The following CHN2 variants were observed in gnomAD, a reference collection of about 807,000 sequenced individuals.
CHN2 encodes the protein beta-chimaerin.
CHN2 carries 35 observed loss-of-function variants against 56.3 expected under a neutral mutation model. The observed-to-expected ratio is 0.62, with a 90% CI of 0.47 to 0.82. CHN2 has a LOEUF of 0.82. CHN2 is among the 40% of genes least tolerant of loss of function. The probability of loss-of-function intolerance (pLI) is 0.00; values close to 1 mark genes in which losing one functional copy is unlikely to be tolerated. For missense variants in CHN2, 491 were observed against 580.5 expected (o/e 0.85, Z 1.58); for synonymous variants, 210 against 212.8 (o/e 0.99, Z 0.12).
chr7:29,196,216 A>C (rs1783699688), intron 1 of CHN2, among the ~76,000 whole-genome samples: 1 of 152,228 alleles, frequency 6.6e-6, no homozygotes, highest in South Asian at 2.1e-4. Flanking sequence ...ACTAAGGTGC[A>C]ATTGTGATGT....
intron 6 of CHN2, among the ~76,000 whole-genome samples, chr7:29,434,693 C>T (rs1392598190): frequency 1.3e-5 from 2 of 152,164 alleles, no homozygotes; most frequent in Non-Finnish European, 2.9e-5. Context: ...CCAAATAAGG[C>T]CATAGTCGCA....
chr7:29,273,933 A>G (rs1790965257), intron 1 of CHN2, among the ~76,000 whole-genome samples: 1 of 152,192 alleles, frequency 6.6e-6, no homozygotes, highest in Admixed American at 6.5e-5. Context: ...CCCTGTAAAA[A>G]GGCCTCAAGG....
intron 1 of CHN2, among the ~76,000 whole-genome samples, chr7:29,233,691 C>T (rs1786901296): frequency 6.6e-6 from 1 of 152,064 alleles, no homozygotes; most frequent in African/African-American, 2.4e-5. Flanking sequence ...AAAGACTCAA[C>T]GGGCCATTGC....
Position 29,480,357 on chromosome 7 carries a change from G to A in CHN2, c.654+1G>A. On this transcript the variant is annotated splice_donor_variant, in intron 7 of 12. Transcript: ENST00000222792. LOFTEE classifies it high-confidence loss of function. The stretch of plus-strand genomic sequence containing the variant: ...TTATGAGAAGACACACAACTTTAAG[G>A]TAAGCAAGCCTCTGCATTCCTTCTT... The A allele has an allele frequency of 6.2e-7, 1 of 1,614,002 alleles. No homozygotes were observed. Among genetic ancestry groups the A allele is most frequent in the Non-Finnish European group, 8.5e-7 (1 of 1,179,858 alleles).
chr7:29,497,752 CTTAAT>C (rs1303065427), intron 8 of CHN2, among the ~76,000 whole-genome samples: 1 of 152,144 alleles, frequency 6.6e-6, no homozygotes, highest in African/African-American at 2.4e-5. Context: ...TATAGAACAT[CTTAAT>C]TTTAATAAAA....
rs77169613 is a variant in CHN2 at position 29,293,016 on chromosome 7, A to G, written c.50-61609A>G. On this transcript the variant is annotated intron_variant, in intron 1 of 12. Coordinates refer to ENST00000222792, the MANE Select transcript of CHN2 (RefSeq NM_004067.4). ...CTTTGCACTCAGAGCCAGCCTCTGCATGCTGAGCCTCATCTTCCTCACCTG... is the reference window on the plus strand; with the variant it reads ...CTTTGCACTCAGAGCCAGCCTCTGCGTGCTGAGCCTCATCTTCCTCACCTG... 7.9e-3 allele frequency: 3,614 copies of G among 456,286 alleles called. 123 individuals are homozygous for G. The highest frequency in any genetic ancestry group is 0.066 in the African/African-American group (3,300 of 50,156). 28.3% of individuals were successfully genotyped at this position (456,286 alleles called of 1,614,324 possible).
intron 2 of CHN2, among the ~76,000 whole-genome samples, chr7:29,180,264 G>A (rs1480745849): frequency 1.3e-5 from 2 of 152,132 alleles, no homozygotes; most frequent in African/African-American, 2.4e-5. Flanking sequence ...GGTGGCTCAC[G>A]CCTGTAATCC....
chr7:29,329,336 C>T (rs1333226207), intron 1 of CHN2, among the ~76,000 whole-genome samples: 1 of 144,440 alleles, frequency 6.9e-6, no homozygotes, highest in Admixed American at 7.1e-5. Flanking sequence ...AGTTTAACTC[C>T]TCCTTACCTT....
rs556348582 is a variant in CHN2 at position 29,184,242 on chromosome 7, A to G, written c.274+37282A>G. On this transcript the variant is annotated intron_variant, in intron 2 of 6. Coordinates refer to the CHN2 transcript ENST00000439384. Reference sequence around the variant, plus strand: ...AGAAATATATATAGGAGATATACATATACAATCTATATATAAGATATATAG... The same window carrying G: ...AGAAATATATATAGGAGATATACATGTACAATCTATATATAAGATATATAG... Among the ~76,000 whole-genome samples the G allele has an allele frequency of 2.6e-4, 39 of 150,902 alleles. 1 individual carries two copies. Among genetic ancestry groups the G allele is most frequent in the Middle Eastern group, 3.6e-3 (1 of 280 alleles).
chr7:29,408,237 A>G (rs1802846777), intron 6 of CHN2, among the ~76,000 whole-genome samples: 1 of 151,962 alleles, frequency 6.6e-6, no homozygotes, highest in South Asian at 2.1e-4. Context: ...AAAAATGCCC[A>G]TGTTTGACCC....
chr7:29,495,851 A>G (rs759929618), intron 7 of CHN2, 101 bp from the exon 8 acceptor site: 6 of 883,152 alleles, frequency 6.8e-6, no homozygotes, highest in African/African-American at 1.7e-5. Flanking sequence ...GGAAAAGCCC[A>G]GTGGGGGATC....
At chr7:29,334,141 T>TCCC (rs986298163) in intron 1 of CHN2, among the ~76,000 whole-genome samples, 33 of 145,566 alleles carry the variant, frequency 2.3e-4, no homozygotes, top group Non-Finnish European at 7.5e-5. Flanking sequence ...AACCTCTGCC[T>TCCC]CCCGGTTCAA....
intron 2 of CHN2, among the ~76,000 whole-genome samples, chr7:29,358,490 TCTCG>T (rs1483598693): frequency 1.3e-5 from 2 of 151,980 alleles, no homozygotes; most frequent in African/African-American, 4.8e-5. Context: ...TGAGATGGAG[TCTCG>T]CTCTTTCACC....
chr7:29,347,688 C>T (rs898881452), intron 1 of CHN2, among the ~76,000 whole-genome samples: 4 of 152,100 alleles, frequency 2.6e-5, no homozygotes, highest in Non-Finnish European at 2.9e-5. Flanking sequence ...CTTGAATTGA[C>T]GCAGACCGAA....
In CHN2 at chr7:29,398,056, AAAGG is replaced by A. The variant is rs1220959769; in HGVS notation, c.177-316_177-313del. On this transcript the variant is annotated intron_variant, in intron 4 of 12. Transcript: ENST00000222792. Reference sequence around the variant, plus strand: ...TTCTGTTATTTCCCATGGTTAAAAAAAAGGGGGGGGGGGGGCGGTGGTTGAGTAA... The same window carrying A: ...TTCTGTTATTTCCCATGGTTAAAAAAGGGGGGGGGGGCGGTGGTTGAGTAA... The A allele has an allele frequency of 4.0e-5, 4 of 99,448 alleles. No individual in the cohort carries two copies. The South Asian group carries it at 5.9e-4, about 15-fold the overall frequency. The allele number at this position is 99,448 out of a possible 1,614,324, so 6.2% of individuals were successfully genotyped here.
At chr7:29,471,458 C>T (rs1786025265) in intron 6 of CHN2, among the ~76,000 whole-genome samples, 1 of 152,194 alleles carries the variant, frequency 6.6e-6, no homozygotes, top group Admixed American at 6.5e-5. Flanking sequence ...TGTAGCATTG[C>T]ACGATCAGCC....
chr7:29,432,571 C>G (rs1782929214), intron 6 of CHN2, among the ~76,000 whole-genome samples: 1 of 152,088 alleles, frequency 6.6e-6, no homozygotes, highest in Admixed American at 6.5e-5. Context: ...GCCATAAGTA[C>G]AATGGAAGTG....
Position 29,256,341 on chromosome 7 carries a change from T to C in CHN2, c.49+61351T>C, listed in dbSNP as rs559101303. Among the ~76,000 whole-genome samples, 105 of 152,384 alleles carry C rather than the reference T, an allele frequency of 6.9e-4. No homozygotes were observed. The South Asian group carries it at 9.3e-3, about 14-fold the overall frequency. On this transcript the variant is annotated intron_variant, in intron 1 of 12. Coordinates refer to ENST00000222792, the MANE Select transcript of CHN2 (RefSeq NM_004067.4). ...TCTAATAAAGCTGGAGTGTAATGAC[T>C]CATTCTCACATAGTTTTAATGTTTA...
At chr7:29,341,358 T>C (rs1797042572) in intron 1 of CHN2, among the ~76,000 whole-genome samples, 3 of 152,186 alleles carry the variant, frequency 2.0e-5, no homozygotes, top group Admixed American at 6.5e-5. Flanking sequence ...ATTCTTGATA[T>C]GAATTACTAC....
Sources: gnomAD v4.1 joint callset for allele counts (sites outside exome capture counted in the v4.1 genomes callset) on GRCh38, gnomAD v4.1.1 for gene constraint, MANE v1.5 for transcripts, NCBI Gene and HGNC (gene_info 2026-07-23, HGNC 2026-07-21) for gene names.